SKAP2: variants seen among roughly 807,000 people sequenced by gnomAD.
SKAP2 encodes the protein src kinase-associated phosphoprotein 2.
SKAP2 carries 28 observed loss-of-function variants against 54.9 expected under a neutral mutation model. That is an observed-to-expected ratio of 0.51 (90% CI 0.38 to 0.70). SKAP2 has a LOEUF of 0.70. SKAP2 is among the 30% of genes least tolerant of loss of function. The pLI, the probability that SKAP2 is intolerant of heterozygous loss-of-function variation, is 0.00. For synonymous variants in SKAP2, 137 were observed against 134.3 expected (o/e 1.02, Z -0.14); for missense variants, 356 against 424.1 (o/e 0.84, Z 1.41).
At chr7:26,691,493 TTCAA>T (rs910784124) in intron 9 of SKAP2, among the ~76,000 whole-genome samples, 1 of 152,232 alleles carries the variant, frequency 6.6e-6, no homozygotes, top group African/African-American at 2.4e-5. Flanking sequence ...ATTGTAACTA[TTCAA>T]TCAATCAGTC....
At chr7:26,675,186 A>T (rs1196483422) in intron 11 of SKAP2, among the ~76,000 whole-genome samples, 1 of 151,400 alleles carries the variant, frequency 6.6e-6, no homozygotes, top group Non-Finnish European at 1.5e-5. Flanking sequence ...ACTTACACTA[A>T]CTCTCCACTG....
chr7:26,675,523 GACTTAC>G (rs1786331684), intron 11 of SKAP2, among the ~76,000 whole-genome samples: 1 of 152,100 alleles, frequency 6.6e-6, no homozygotes, highest in South Asian at 2.1e-4. Context: ...TCAGAGGAAG[GACTTAC>G]ACTTAATCTG....
intron 4 of SKAP2, among the ~76,000 whole-genome samples, chr7:26,758,927 C>A (rs1356582515): frequency 6.6e-6 from 1 of 152,156 alleles, no homozygotes; most frequent in Non-Finnish European, 1.5e-5. Context: ...TTTTGGACGT[C>A]CACATGAACT....
intron 9 of SKAP2, among the ~76,000 whole-genome samples, chr7:26,713,966 C>G (rs1787370018): frequency 6.6e-6 from 1 of 152,150 alleles, no homozygotes; most frequent in African/African-American, 2.4e-5. Context: ...AAGGTGGAGA[C>G]AGTTTCAAGA....
At chr7:26,858,843 G>GAA (rs1451477314) in intron 1 of SKAP2, among the ~76,000 whole-genome samples, 1 of 152,118 alleles carries the variant, frequency 6.6e-6, no homozygotes, top group Non-Finnish European at 1.5e-5. Context: ...TCCCACTCTT[G>GAA]AAAAGCAGTT....
chr7:26,736,874 G>A (rs968492931), intron 6 of SKAP2, among the ~76,000 whole-genome samples: 1 of 151,516 alleles, frequency 6.6e-6, no homozygotes, highest in Non-Finnish European at 1.5e-5. Context: ...CAGCTTGGGT[G>A]ACAGAGTGAG....
intron 4 of SKAP2, among the ~76,000 whole-genome samples, chr7:26,798,933 A>T (rs1227267679): frequency 2.6e-5 from 4 of 152,106 alleles, no homozygotes; most frequent in African/African-American, 9.7e-5. Flanking sequence ...AAGACATAAA[A>T]AGCAAGAGAC....
At chr7:26,751,697 G>T (rs1218585242) in intron 4 of SKAP2, among the ~76,000 whole-genome samples, 2 of 151,984 alleles carry the variant, frequency 1.3e-5, no homozygotes, top group Admixed American at 6.6e-5. Context: ...TAAAACAAGA[G>T]GTTTTTCCAT....
At chr7:26,732,453 C>T (rs531495314) in intron 6 of SKAP2, among the ~76,000 whole-genome samples, 14 of 152,272 alleles carry the variant, frequency 9.2e-5, no homozygotes, top group African/African-American at 3.4e-4. Context: ...TAATAATTTC[C>T]CTTTCTGCAT....
intron 4 of SKAP2, among the ~76,000 whole-genome samples, chr7:26,833,237 C>A (rs1324275379): frequency 2.0e-5 from 3 of 150,564 alleles, no homozygotes; most frequent in Non-Finnish European, 3.0e-5. Flanking sequence ...ACTAAAAACA[C>A]AAAAAAAAAT....
chr7:26,706,497 T>G (rs1787157811), intron 9 of SKAP2, among the ~76,000 whole-genome samples: 1 of 152,218 alleles, frequency 6.6e-6, no homozygotes, highest in African/African-American at 2.4e-5. Context: ...AGAATATTGT[T>G]AATATTTAAT....
intron 4 of SKAP2, among the ~76,000 whole-genome samples, chr7:26,837,820 A>T (rs539236671): frequency 7.7e-4 from 107 of 139,486 alleles, no homozygotes; most frequent in African/African-American, 2.6e-3. Flanking sequence ...CCACCTCTCT[A>T]GCCCAGAGTC....
intron 1 of SKAP2, among the ~76,000 whole-genome samples, chr7:26,861,372 TGTTGTAGAAAAGAAAA>T (rs1424780953): frequency 4.6e-5 from 7 of 152,128 alleles, no homozygotes; most frequent in African/African-American, 1.7e-4. Context: ...GTTTTTCCAT[TGTTGTAGAAAAGAAAA>T]AAATCAAAGG....
chr7:26,809,553 A>G (rs1007914696), intron 4 of SKAP2, among the ~76,000 whole-genome samples: 5 of 152,358 alleles, frequency 3.3e-5, no homozygotes, highest in South Asian at 2.1e-4. Context: ...CCACAATGAG[A>G]TAACACCTCA....
At chr7:26,820,418 A>T (rs535877439) in intron 4 of SKAP2, among the ~76,000 whole-genome samples, 1 of 150,888 alleles carries the variant, frequency 6.6e-6, no homozygotes, top group African/African-American at 2.4e-5. Flanking sequence ...AACCAACCAA[A>T]GAATGAAATC....
chr7:26,793,450 G>C (rs772039953), intron 4 of SKAP2, among the ~76,000 whole-genome samples: 1 of 152,116 alleles, frequency 6.6e-6, no homozygotes, highest in Admixed American at 6.6e-5. Context: ...AACTCAAATT[G>C]TACAGTAGAT....
At position 26,756,679 on chromosome 7, in the gene SKAP2, C is replaced by T. The variant is rs190629641; in HGVS notation, c.308-16715G>A. On this transcript the variant is annotated intron_variant, in intron 4 of 12. Coordinates refer to ENST00000345317, the MANE Select transcript of SKAP2 (RefSeq NM_003930.5). ...CTTTATAGCAGCATGATTTATAATC[C>T]TTTGGGTATATACCCAGTAATGGGA... Among the ~76,000 whole-genome samples the T allele has an allele frequency of 4.8e-3, 734 of 152,248 alleles. 3 individuals are homozygous for T. Among genetic ancestry groups the T allele is most frequent in the African/African-American group, 0.017 (695 of 41,530 alleles).
chr7:26,673,735 T>C (rs1786290753), intron 11 of SKAP2, among the ~76,000 whole-genome samples: 1 of 152,100 alleles, frequency 6.6e-6, no homozygotes, highest in Non-Finnish European at 1.5e-5. Flanking sequence ...AACTCCCATG[T>C]TTTCAATTTT....
At chr7:26,729,552 CA>C (rs1787778658) in intron 6 of SKAP2, among the ~76,000 whole-genome samples, 2 of 152,006 alleles carry the variant, frequency 1.3e-5, no homozygotes, top group East Asian at 3.9e-4. Context: ...ATGAAACTGG[CA>C]AAATAAGGAA....
Sources: gnomAD v4.1 joint callset for allele counts (sites outside exome capture counted in the v4.1 genomes callset) on GRCh38, gnomAD v4.1.1 for gene constraint, MANE v1.5 for transcripts, NCBI Gene and HGNC (gene_info 2026-07-23, HGNC 2026-07-21) for gene names.